BPIFB3: variants seen among roughly 807,000 people sequenced by gnomAD.
BPIFB3 encodes BPI fold containing family B member 3.
In BPIFB3, 49 loss-of-function variants were observed where a neutral mutation model predicts 53.1. The observed-to-expected ratio is 0.92, with a 90% confidence interval of 0.73 to 1.17. BPIFB3 has a LOEUF of 1.17. Among genes scored for constraint, BPIFB3 ranks in the 50% most tolerant of loss-of-function variants. The probability of loss-of-function intolerance (pLI) is 0.00; values close to 1 mark genes in which losing one functional copy is unlikely to be tolerated. For synonymous variants in BPIFB3, 271 were observed against 269.6 expected (o/e 1.01, Z -0.05); for missense variants, 628 against 592.5 (o/e 1.06, Z -0.62).
chr20:33,062,941 C>T (rs189155502), intron 5 of BPIFB3, among the ~76,000 whole-genome samples: 1 of 152,206 alleles, frequency 6.6e-6, no homozygotes, highest in Non-Finnish European at 1.5e-5. Flanking sequence ...TCTCTGAATA[C>T]AGCTGTGACC....
intron 8 of BPIFB3, among the ~76,000 whole-genome samples, chr20:33,065,662 C>T (rs1600541762): frequency 2.6e-5 from 4 of 152,284 alleles, no homozygotes; most frequent in Non-Finnish European, 5.9e-5. Flanking sequence ...GTTACCCAAA[C>T]ATTTGTTCTG....
chr20:33,059,971 C>T, exon 4 of BPIFB3: 3 of 1,614,174 alleles, frequency 1.9e-6, no homozygotes, highest in Non-Finnish European at 2.5e-6. Flanking sequence ...TCAAGGGGCA[C>T]ACCCATCCTT....
chr20:33,060,031 G>A, exon 4 of BPIFB3: 1 of 1,613,590 alleles, frequency 6.2e-7, no homozygotes, highest in South Asian at 1.1e-5. Context: ...CTGTTCTCAG[G>A]GTGAGTCTGC....
exon 13 of BPIFB3, chr20:33,072,137 G>T: frequency 6.2e-7 from 1 of 1,614,230 alleles, no homozygotes. Flanking sequence ...CAGCCATGTG[G>T]TCGGGGCAGT....
chr20:33,056,172 G>T lies in BPIFB3; in HGVS notation c.125-370G>T, dbSNP rs562211122. On this transcript the variant is annotated intron_variant, in intron 1 of 14. Coordinates refer to ENST00000375494, the Ensembl canonical transcript of BPIFB3. ...CTTTCAGTGCTGTAGGGCAGTCCAGGATCAGGAGCCAAGTTACACTACTGA... is the reference window on the plus strand; with the variant it reads ...CTTTCAGTGCTGTAGGGCAGTCCAGTATCAGGAGCCAAGTTACACTACTGA... 2.6e-5 allele frequency among the ~76,000 whole-genome samples: 4 copies of T among 152,270 alleles called. No homozygotes were observed. In the South Asian group the frequency reaches 8.3e-4, roughly 32 times the overall value.
chr20:33,064,382 A>G (rs1980576897), intron 6 of BPIFB3, 75 bp from the exon 8 acceptor site: 4 of 1,228,230 alleles, frequency 3.3e-6, no homozygotes, highest in Admixed American at 3.5e-5. Context: ...CAGACACTCA[A>G]TAAATGGAAA....
exon 1 of BPIFB3, chr20:33,055,463 C>T (rs1600534131): frequency 1.2e-6 from 2 of 1,613,774 alleles, no homozygotes; most frequent in East Asian, 2.2e-5. Flanking sequence ...CCTGCTTCTG[C>T]TCTGGGGCCT....
intron 5 of BPIFB3, among the ~76,000 whole-genome samples, chr20:33,062,629 G>C (rs1444255331): frequency 6.6e-6 from 1 of 152,242 alleles, no homozygotes; most frequent in African/African-American, 2.4e-5. Context: ...CCAGCAGCTA[G>C]GTTTTGTGTG....
chr20:33,072,675 C>G (rs1980954165), intron 13 of BPIFB3, 42 bp from the exon 15 acceptor site: 1 of 1,560,622 alleles, frequency 6.4e-7, no homozygotes, highest in Middle Eastern at 1.7e-4. Flanking sequence ...CCAAGAGCTC[C>G]CCACCAATGT....
At chr20:33,057,802 A>G (rs1980284717) in intron 2 of BPIFB3, among the ~76,000 whole-genome samples, 1 of 151,106 alleles carries the variant, frequency 6.6e-6, no homozygotes, top group African/African-American at 2.4e-5. Context: ...ATTGCAGAAC[A>G]CAGCTTTTTT....
At chr20:33,057,254 T>C (rs1445602709) in intron 2 of BPIFB3, among the ~76,000 whole-genome samples, 1 of 152,132 alleles carries the variant, frequency 6.6e-6, no homozygotes, top group East Asian at 1.9e-4. Flanking sequence ...AGTGGCATGA[T>C]CTCGGCTCAC....
intron 4 of BPIFB3, among the ~76,000 whole-genome samples, chr20:33,061,011 C>T (rs907330194): frequency 6.6e-6 from 1 of 152,240 alleles, no homozygotes; most frequent in African/African-American, 2.4e-5. Flanking sequence ...CCACAGCTGC[C>T]TCCCACTTGT....
At chr20:33,061,799 G>A in exon 5 of BPIFB3, 1 of 1,614,188 alleles carries the variant, frequency 6.2e-7, no homozygotes, top group Middle Eastern at 1.6e-4. Context: ...TGGGGTCGTG[G>A]AACAGATGCT....
At chr20:33,072,074 A>G in intron 12 of BPIFB3, 30 bp from the exon 14 acceptor site, 1 of 1,612,724 alleles carries the variant, frequency 6.2e-7, no homozygotes. Flanking sequence ...CCAGAGCACC[A>G]CCCCCACCAC....
At chr20:33,073,057 T>TA (rs1980973147) in intron 14 of BPIFB3, among the ~76,000 whole-genome samples, 1 of 152,264 alleles carries the variant, frequency 6.6e-6, no homozygotes, top group Non-Finnish European at 1.5e-5. Flanking sequence ...GAGACATGTC[T>TA]GGCCTCTAGA....
chr20:33,063,777 A>G (rs403461), intron 6 of BPIFB3, 102 bp downstream of exon 7: 963,309 of 1,261,454 alleles, frequency 0.76, 369,443 homozygotes, highest in East Asian at 0.99. Context: ...GCAGGATCTC[A>G]GGGTCCTTTA....
intron 8 of BPIFB3, among the ~76,000 whole-genome samples, 160 bp downstream of exon 9, chr20:33,065,005 C>T (rs969081935): frequency 3.9e-5 from 6 of 152,228 alleles, no homozygotes; most frequent in African/African-American, 1.4e-4. Context: ...CTGTTCTCCA[C>T]TCCTATACTT....
At chr20:33,055,041 G>T (rs1443822799), upstream of BPIFB3, among the ~76,000 whole-genome samples, 1 of 152,224 alleles carries the variant, frequency 6.6e-6, no homozygotes, top group Non-Finnish European at 1.5e-5. Flanking sequence ...CCAGACACCC[G>T]GCCAGGCTCA....
At chr20:33,071,144 G>A in intron 11 of BPIFB3, 109 bp from the exon 13 acceptor site, 1 of 1,155,754 alleles carries the variant, frequency 8.7e-7, no homozygotes, top group Middle Eastern at 2.9e-4. Context: ...AGAGTGTTGG[G>A]CTGGTAATCC....
Sources: gnomAD v4.1 joint callset for allele counts (sites outside exome capture counted in the v4.1 genomes callset) on GRCh38, gnomAD v4.1.1 for gene constraint, MANE v1.5 for transcripts, NCBI Gene and HGNC (gene_info 2026-07-23, HGNC 2026-07-21) for gene names.